The following PKD1L1 variants were observed in gnomAD, a reference collection of about 807,000 sequenced individuals.
PKD1L1 encodes the protein polycystin 1 like 1, transient receptor potential channel interacting, also known as polycystin-1-like protein 1.
PKD1L1 carries 236 observed loss-of-function variants against 323.4 expected under a neutral mutation model. The observed-to-expected ratio is 0.73, with a 90% confidence interval of 0.66 to 0.81. PKD1L1 has a LOEUF of 0.81. Among genes scored for constraint, PKD1L1 ranks in the 40% least tolerant of loss-of-function variants. The probability of loss-of-function intolerance (pLI) is 0.00; values close to 1 mark genes in which losing one functional copy is unlikely to be tolerated. For synonymous variants in PKD1L1, 1,344 were observed against 1,335.0 expected (o/e 1.01, Z -0.15); for missense variants, 3,320 against 3,508.0 (o/e 0.95, Z 1.35).
intron 6 of PKD1L1, among the ~76,000 whole-genome samples, chr7:47,930,280 C>A (rs1170762810): frequency 6.6e-6 from 1 of 151,358 alleles, no homozygotes; most frequent in East Asian, 1.9e-4. Context: ...CACAGGCAGA[C>A]AGATCACGGG....
At chr7:47,904,713 C>T (rs928862888) in intron 11 of PKD1L1, 96 bp from the exon 12 acceptor site, 84 of 1,090,988 alleles carry the variant, frequency 7.7e-5, no homozygotes, top group Middle Eastern at 6.4e-4. Flanking sequence ...AAGAGGAAGG[C>T]GGGGGAGGGG....
chr7:47,899,684 C>T lies in PKD1L1; in HGVS notation c.2065-1490G>A, dbSNP rs188291654. Among the ~76,000 whole-genome samples, 735 of 152,082 alleles carry T rather than the reference C, an allele frequency of 4.8e-3. 5 individuals carry two copies. Among genetic ancestry groups the T allele is most frequent in the African/African-American group, 0.017 (690 of 41,512 alleles). Reference sequence around the variant, plus strand: ...AAAATTGGAAAGGGAAGGCCAGGCACGGTGACGCAAGCCTGTAATCCCAGC... The same window carrying T: ...AAAATTGGAAAGGGAAGGCCAGGCATGGTGACGCAAGCCTGTAATCCCAGC... On this transcript the variant is annotated intron_variant, in intron 13 of 56. Transcript: ENST00000289672.
In PKD1L1 at chr7:47,890,569, A is replaced by G. The variant is rs1562975579; in HGVS notation, c.2648T>C (p.Leu883Pro). The change falls in exon 16 of 57, where the codon CTG (leucine) becomes CCG (proline). Residue 883 changes from leucine to proline, a missense_variant. Coordinates refer to ENST00000289672, the MANE Select transcript of PKD1L1 (RefSeq NM_138295.5). ...GRNSSETRVF[L>P]SPYPDSAFRF... ...GAACGCCGAGTCAGGGTAGGGGGAC[A>G]GGAACACCCGGGTCTCAGAAGAGTT... 2 of 1,614,164 alleles carry G rather than the reference A, an allele frequency of 1.2e-6. No individual in the cohort carries two copies. The highest frequency in any genetic ancestry group is 1.7e-6 in the Non-Finnish European group (2 of 1,180,042).
At chr7:47,906,060 C>A in intron 9 of PKD1L1, 98 bp from the exon 10 acceptor site, 1 of 1,190,464 alleles carries the variant, frequency 8.4e-7, no homozygotes, top group East Asian at 2.9e-5. Flanking sequence ...TTAACTTTCC[C>A]CCTTTGAATC....
intron 28 of PKD1L1, among the ~76,000 whole-genome samples, chr7:47,856,046 A>G (rs1227873334): frequency 6.6e-6 from 1 of 151,812 alleles, no homozygotes; most frequent in Non-Finnish European, 1.5e-5. Context: ...GTATATCTAT[A>G]TATTTTTTTG....
At chr7:47,845,779 C>T (rs1040482715) in intron 32 of PKD1L1, among the ~76,000 whole-genome samples, 1 of 152,110 alleles carries the variant, frequency 6.6e-6, no homozygotes, top group African/African-American at 2.4e-5. Flanking sequence ...TGGGGTTTCG[C>T]TATGTTGGCC....
chr7:47,842,575 G>A (rs887395068), intron 34 of PKD1L1, among the ~76,000 whole-genome samples: 2 of 151,946 alleles, frequency 1.3e-5, no homozygotes, highest in Non-Finnish European at 2.9e-5. Context: ...CTCCTCCACC[G>A]CATCCTTCTT....
rs567893010 is a variant in PKD1L1 at position 47,833,306 on chromosome 7, C to T, written c.6175-54G>A. On this transcript the variant is annotated intron_variant, in intron 40 of 56. Transcript: ENST00000289672. Reference sequence around the variant, plus strand: ...ATATCTCCACAGACAGGGCTTCACACGTGACGCTCAACAGTGGTGTGGCTT... The same window carrying T: ...ATATCTCCACAGACAGGGCTTCACATGTGACGCTCAACAGTGGTGTGGCTT... The T allele has an allele frequency of 1.0e-4, 158 of 1,568,320 alleles. 1 individual carries two copies. In the African/African-American group the frequency reaches 1.5e-3, roughly 14 times the overall value.
chr7:47,922,305 C>T (rs369391242), intron 7 of PKD1L1, among the ~76,000 whole-genome samples: 7 of 152,306 alleles, frequency 4.6e-5, no homozygotes, highest in Middle Eastern at 3.4e-3. Flanking sequence ...CCCAAAGTGC[C>T]GAGATTGCAG....
chr7:47,948,491 C>CTACT (rs773137941), upstream of PKD1L1: 1 of 1,579,066 alleles, frequency 6.3e-7, no homozygotes, highest in Non-Finnish European at 8.7e-7. Context: ...CAGCTTCTTC[C>CTACT]TACATCCTCT....
chr7:47,786,093 A>C (rs542081760), intron 56 of PKD1L1, among the ~76,000 whole-genome samples: 1 of 152,306 alleles, frequency 6.6e-6, no homozygotes, highest in East Asian at 1.9e-4. Context: ...TCAAGGATTC[A>C]AACTTAGTGT....
chr7:47,862,879 C>T (rs926863340), intron 26 of PKD1L1, among the ~76,000 whole-genome samples: 3 of 152,156 alleles, frequency 2.0e-5, no homozygotes, highest in Admixed American at 2.0e-4. Flanking sequence ...CAAGGAGAAG[C>T]CACGGGGAGT....
intron 7 of PKD1L1, among the ~76,000 whole-genome samples, chr7:47,921,600 AAT>A (rs1469196427): frequency 6.6e-6 from 1 of 152,220 alleles, no homozygotes; most frequent in Non-Finnish European, 1.5e-5. Context: ...GTAGCAGCAC[AAT>A]TTGCAATTGT....
chr7:47,845,899 C>T (rs1357956821), intron 32 of PKD1L1, among the ~76,000 whole-genome samples: 1 of 150,954 alleles, frequency 6.6e-6, no homozygotes, highest in Admixed American at 6.7e-5. Context: ...ATTTTTGTAC[C>T]CTTGGCTCAT....
At chr7:47,935,252 C>A (rs1362559427) in intron 4 of PKD1L1, among the ~76,000 whole-genome samples, 1 of 152,184 alleles carries the variant, frequency 6.6e-6, no homozygotes, top group Non-Finnish European at 1.5e-5. Context: ...GCTCAAGCAG[C>A]AAAGAATGAG....
chr7:47,923,851 G>A (rs1314389615), intron 7 of PKD1L1, among the ~76,000 whole-genome samples: 2 of 151,916 alleles, frequency 1.3e-5, no homozygotes, highest in Admixed American at 1.3e-4. Flanking sequence ...TTGGCTAATA[G>A]AACACATGAG....
intron 23 of PKD1L1, among the ~76,000 whole-genome samples, chr7:47,874,508 G>A (rs1786360852): frequency 6.6e-6 from 1 of 152,116 alleles, no homozygotes; most frequent in South Asian, 2.1e-4. Flanking sequence ...GCCAAGGATT[G>A]GGGACTTAAT....
chr7:47,873,808 T>G, intron 24 of PKD1L1, 91 bp downstream of exon 24: 1 of 926,670 alleles, frequency 1.1e-6, no homozygotes, highest in Non-Finnish European at 1.6e-6. Flanking sequence ...CCTGACATGT[T>G]TTTGACGCTT....
At chr7:47,906,949 T>C (rs1315395622) in intron 9 of PKD1L1, among the ~76,000 whole-genome samples, 2 of 152,182 alleles carry the variant, frequency 1.3e-5, no homozygotes, top group African/African-American at 2.4e-5. Flanking sequence ...CTATTATCAA[T>C]CTGTAGGGCT....
Sources: allele counts gnomAD v4.1 joint callset (sites outside exome capture counted in the v4.1 genomes callset), GRCh38; gene constraint gnomAD v4.1.1; transcripts MANE v1.5; gene names NCBI Gene and HGNC (gene_info 2026-07-23, HGNC 2026-07-21).